Variants in CRB1 observed in about 807,000 individuals in gnomAD.
The protein encoded by CRB1 is protein crumbs homolog 1.
Under a neutral mutation model 120.0 loss-of-function variants are expected in CRB1, and 83 were observed. The observed-to-expected ratio is 0.69, with a 90% CI of 0.58 to 0.83. The LOEUF is 0.83. Ranked by LOEUF, CRB1 falls within the 40% of genes least tolerant of loss-of-function variation. The pLI, the probability that CRB1 is intolerant of heterozygous loss-of-function variation, is 0.00. For synonymous variants in CRB1, 625 were observed against 612.5 expected (o/e 1.02, Z -0.30); for missense variants, 1,699 against 1,687.6 (o/e 1.01, Z -0.12).
chr1:197,303,595 A>T (rs1347789023), intron 1 of CRB1, among the ~76,000 whole-genome samples: 1 of 151,902 alleles, frequency 6.6e-6, no homozygotes, highest in Admixed American at 6.6e-5. Flanking sequence ...GTCATCTCAA[A>T]GTCAAATATC....
chr1:197,388,139 A>T (rs1003867753), intron 5 of CRB1, among the ~76,000 whole-genome samples: 1 of 152,180 alleles, frequency 6.6e-6, no homozygotes, highest in East Asian at 1.9e-4. Context: ...GGTAGAACCT[A>T]CTACTCGATA....
chr1:197,473,822 A>G (rs1366090744), intron 11 of CRB1, among the ~76,000 whole-genome samples: 1 of 151,694 alleles, frequency 6.6e-6, no homozygotes, highest in Non-Finnish European at 1.5e-5. Flanking sequence ...CTAGTGCCGT[A>G]TATTTTAAGC....
At chr1:197,382,474 A>T (rs531051610) in intron 5 of CRB1, among the ~76,000 whole-genome samples, 1 of 152,344 alleles carries the variant, frequency 6.6e-6, no homozygotes, top group South Asian at 2.1e-4. Context: ...TTGATAATTC[A>T]TCCAGTAATT....
In CRB1 at chr1:197,420,935, T is replaced by C. The variant is rs954544981; in HGVS notation, c.1172-65T>C. 2.7e-5 allele frequency: 29 copies of C among 1,058,832 alleles called. 1 individual carries two copies. The highest frequency in any genetic ancestry group is 2.4e-5 in the Non-Finnish European group (16 of 679,642). The allele number at this position is 1,058,832 out of a possible 1,614,324, so 65.6% of individuals were successfully genotyped here. A position where few individuals can be genotyped will look rare whatever the true frequency, so the allele number is the denominator to read the frequency against. On this transcript the variant is annotated intron_variant, in intron 5 of 11. Coordinates refer to ENST00000367400, the MANE Select transcript of CRB1 (RefSeq NM_201253.3). ...ACTTCTGCAAGATTATACAAGTAAATTACGTGAAACTTCTATTTTTGATGT... is the reference window on the plus strand; with the variant it reads ...ACTTCTGCAAGATTATACAAGTAAACTACGTGAAACTTCTATTTTTGATGT...
intron 1 of CRB1, among the ~76,000 whole-genome samples, chr1:197,296,605 C>T (rs2125246734): frequency 6.6e-6 from 1 of 152,106 alleles, no homozygotes; most frequent in South Asian, 2.1e-4. Context: ...ATTGGAACTC[C>T]AGGCTTTTAG....
At chr1:197,309,314 A>G (rs1026743143) in intron 1 of CRB1, among the ~76,000 whole-genome samples, 13 of 151,042 alleles carry the variant, frequency 8.6e-5, no homozygotes, top group Non-Finnish European at 1.6e-4. Flanking sequence ...CTTTGCTGAC[A>G]CACACACACA....
intron 4 of CRB1, among the ~76,000 whole-genome samples, chr1:197,349,826 C>T (rs1015135439): frequency 2.0e-5 from 3 of 152,110 alleles, no homozygotes; most frequent in East Asian, 1.9e-4. Context: ...TTTGGCTGGG[C>T]GCGGTGGCTC....
chr1:197,366,592 A>C (rs1661088724), intron 5 of CRB1, among the ~76,000 whole-genome samples: 1 of 152,242 alleles, frequency 6.6e-6, no homozygotes, highest in Non-Finnish European at 1.5e-5. Context: ...ATTAACTGAC[A>C]GTCTCAGAAT....
chr1:197,375,402 C>G (rs1661591628), intron 5 of CRB1, among the ~76,000 whole-genome samples: 3 of 152,154 alleles, frequency 2.0e-5, no homozygotes, highest in African/African-American at 7.2e-5. Flanking sequence ...GTTTTCATAG[C>G]AGGCAGTAAG....
intron 4 of CRB1, among the ~76,000 whole-genome samples, chr1:197,353,010 T>G (rs1193546345): frequency 6.6e-6 from 1 of 152,210 alleles, no homozygotes; most frequent in Non-Finnish European, 1.5e-5. Flanking sequence ...TGCTCAGTCC[T>G]GGACTGGTAA....
chr1:197,321,706 ATG>A (rs1658206427), intron 1 of CRB1, among the ~76,000 whole-genome samples: 2 of 152,232 alleles, frequency 1.3e-5, no homozygotes, highest in African/African-American at 4.8e-5. Flanking sequence ...CATATATGGC[ATG>A]AAGAACACTT....
chr1:197,406,927 A>C (rs1663441429), intron 5 of CRB1, among the ~76,000 whole-genome samples: 1 of 152,252 alleles, frequency 6.6e-6, no homozygotes, highest in South Asian at 2.1e-4. Flanking sequence ...CACCATGAAC[A>C]AAGTTAAAAC....
chr1:197,227,194 A>G, the CRB1 span, among the ~76,000 whole-genome samples: 2 of 152,112 alleles, frequency 1.3e-5, no homozygotes, highest in Admixed American at 1.3e-4. Context: ...CCAGAGTGTC[A>G]TCTGAGACAA....
the CRB1 span, among the ~76,000 whole-genome samples, chr1:197,214,240 G>T: frequency 2.0e-5 from 3 of 152,086 alleles, no homozygotes; most frequent in African/African-American, 4.8e-5. Context: ...TCAAAAGATT[G>T]CAAGAGACTA....
At chr1:197,358,665 A>G (rs1384118867) in intron 5 of CRB1, among the ~76,000 whole-genome samples, 2 of 152,226 alleles carry the variant, frequency 1.3e-5, no homozygotes, top group Non-Finnish European at 2.9e-5. Context: ...CCCCGCTTCA[A>G]AATGTTACTT....
chr1:197,377,572 T>C (rs1661714945), intron 5 of CRB1, among the ~76,000 whole-genome samples: 1 of 152,220 alleles, frequency 6.6e-6, no homozygotes, highest in Non-Finnish European at 1.5e-5. Context: ...GTGTATGCCA[T>C]ATTTTGATAA....
At chr1:197,401,204 T>A (rs560366975) in intron 5 of CRB1, among the ~76,000 whole-genome samples, 1 of 152,256 alleles carries the variant, frequency 6.6e-6, no homozygotes, top group East Asian at 1.9e-4. Context: ...TGGGTTTTTT[T>A]AAATTGGTGT....
chr1:197,324,476 G>A (rs675699), intron 1 of CRB1, among the ~76,000 whole-genome samples: 105,613 of 151,982 alleles, frequency 0.69, 36,925 homozygotes, highest in East Asian at 0.94. Context: ...AACTTTATGT[G>A]TATTATCTCT....
intron 5 of CRB1, among the ~76,000 whole-genome samples, chr1:197,404,429 G>A (rs947793027): frequency 1.7e-5 from 2 of 119,042 alleles, no homozygotes; most frequent in South Asian, 2.6e-4. Flanking sequence ...GCGACAGAGC[G>A]AGACTCCGTC....
Sources: allele counts gnomAD v4.1 joint callset (sites outside exome capture counted in the v4.1 genomes callset), GRCh38; gene constraint gnomAD v4.1.1; transcripts MANE v1.5; gene names NCBI Gene and HGNC (gene_info 2026-07-23, HGNC 2026-07-21).